Variants in SHH observed in about 807,000 individuals in gnomAD.
The protein encoded by SHH is sonic hedgehog signaling molecule, also known as sonic hedgehog protein.
Under a neutral mutation model 16.6 loss-of-function variants are expected in SHH, and 3 were observed. The ratio of observed to expected loss-of-function variants is 0.18; its 90% CI spans 0.08 to 0.47. The LOEUF (loss-of-function observed/expected upper bound fraction) is 0.47. SHH is among the 20% of genes least tolerant of loss of function. The pLI, the probability that SHH is intolerant of heterozygous loss-of-function variation, is 0.98. For synonymous variants in SHH, 351 were observed against 316.2 expected (o/e 1.11, Z -1.17); for missense variants, 499 against 665.0 (o/e 0.75, Z 2.75).
chr7:155,802,812 T>G lies in SHH; in HGVS notation c.*88A>C. The G allele has an allele frequency of 2.5e-6, 2 of 792,698 alleles. No homozygotes were observed. The highest frequency in any genetic ancestry group is 3.6e-5 in the Admixed American group (1 of 28,156). The allele number at this position is 792,698 out of a possible 1,614,324, so 49.1% of individuals were successfully genotyped here. ...TCTTATTATAACTCAGTCTGGTTCG[T>G]GCGCCTTTTCCGAGTGTCTTTTTGC... On this transcript the variant is annotated 3_prime_UTR_variant, in exon 3 of 3. Coordinates refer to ENST00000297261, the MANE Select transcript of SHH (RefSeq NM_000193.4).
At chr7:155,806,939 C>G in intron 1 of SHH, 7 of 248,220 alleles carry the variant, frequency 2.8e-5, no homozygotes, top group South Asian at 1.2e-4. Context: ...CCCGCCCCGC[C>G]CCCACGTTGC....
In SHH at chr7:155,800,871, A is replaced by C. The variant is rs1441061727; in HGVS notation, c.*2029T>G. On this transcript the variant is annotated 3_prime_UTR_variant, in exon 3 of 3. Transcript: ENST00000297261. ...TGCCAGGTGGGGCTGAAGTCTGTTC[A>C]CTCCTGTTCCCTAAGCCTGGACCAC... 1 of 324,170 alleles carries C rather than the reference A, an allele frequency of 3.1e-6. No individual in the cohort carries two copies. Among genetic ancestry groups the C allele is most frequent in the Non-Finnish European group, 6.1e-6 (1 of 162,602 alleles). The allele number at this position is 324,170 out of a possible 1,614,324, so 20.1% of individuals were successfully genotyped here.
At chr7:155,806,779 C>A in intron 1 of SHH, 1 of 669,510 alleles carries the variant, frequency 1.5e-6, no homozygotes, top group South Asian at 1.7e-5. Flanking sequence ...AGCACGTCCT[C>A]TCAGGGTAGA....
chr7:155,809,909 A>AT lies in SHH; in HGVS notation c.300+1913dup, dbSNP rs1803465497. On this transcript the variant is annotated intron_variant, in intron 1 of 2. Coordinates refer to ENST00000297261, the MANE Select transcript of SHH (RefSeq NM_000193.4). This position sits in a 1 kb window ranked among gnomAD's most constrained non-coding sequence, Gnocchi z 6.1. ...AGGCCAGGCAGGCGGCGGACTGGGG[A>AT]TGGGGGCGCGTCCCAGGGCAGGCCG... 6.6e-6 allele frequency among the ~76,000 whole-genome samples: 1 copy of AT among 151,256 alleles called. No homozygotes were observed. Among genetic ancestry groups the AT allele is most frequent in the African/African-American group, 2.4e-5 (1 of 41,292 alleles).
chr7:155,812,123 C>A lies in SHH; in HGVS notation c.-1G>T. 1 of 1,614,096 alleles carries A rather than the reference C, an allele frequency of 6.2e-7. No homozygotes were observed. On this transcript the variant is annotated 5_prime_UTR_variant, in exon 1 of 3. Coordinates refer to ENST00000297261, the MANE Select transcript of SHH (RefSeq NM_000193.4). ...GCAGACATCTCGCCAGCAGCAGCAT[C>A]TCGCCCATGGAACTGATGACTTCCG...
rs1803542733 is a variant in SHH at position 155,812,395 on chromosome 7, G to T, written c.-273C>A. 1 of 561,778 alleles carries T rather than the reference G, an allele frequency of 1.8e-6. No homozygotes were observed. The highest frequency in any genetic ancestry group is 3.2e-6 in the Non-Finnish European group (1 of 311,844). The allele number at this position is 561,778 out of a possible 1,614,324, so 34.8% of individuals were successfully genotyped here. ...CTGATAACGGAACACATCGGAGTTG[G>T]GTCGCGAGACAGCAATCAAAAGACA... On this transcript the variant is annotated 5_prime_UTR_variant, in exon 1 of 3. Transcript: ENST00000297261.
At position 155,809,712 on chromosome 7, in the gene SHH, C is replaced by G. The variant is rs1803459791; in HGVS notation, c.300+2111G>C. 6.6e-6 allele frequency among the ~76,000 whole-genome samples: 1 copy of G among 152,178 alleles called. No homozygotes were observed. Among genetic ancestry groups the G allele is most frequent in the South Asian group, 2.1e-4 (1 of 4,834 alleles). On this transcript the variant is annotated intron_variant, in intron 1 of 2. Transcript: ENST00000297261. This position sits in a 1 kb window ranked among gnomAD's most constrained non-coding sequence, Gnocchi z 6.1. ...AGGAAAAAAGTATTTGTTTTCGTTTCGTTCGTCTGAGGGAAGTTGACAGAA... is the reference window on the plus strand; with the variant it reads ...AGGAAAAAAGTATTTGTTTTCGTTTGGTTCGTCTGAGGGAAGTTGACAGAA...
At chr7:155,806,220 C>T in intron 2 of SHH, 76 bp downstream of exon 2, 1 of 1,592,642 alleles carries the variant, frequency 6.3e-7, no homozygotes, top group Non-Finnish European at 8.6e-7. Context: ...CCCCAGGTTT[C>T]TTTTTCTCTT....
chr7:155,808,765 C>A (rs985942967), intron 1 of SHH, among the ~76,000 whole-genome samples: 2 of 152,210 alleles, frequency 1.3e-5, no homozygotes, highest in Non-Finnish European at 2.9e-5. Context: ...GCCGCCGGGG[C>A]CGGGCTTTGT....
rs1803408945 is a variant in SHH, at chr7:155,807,963, G to C, written c.301-1406C>G. 6.6e-6 allele frequency among the ~76,000 whole-genome samples: 1 copy of C among 152,158 alleles called. No homozygotes were observed. Among genetic ancestry groups the C allele is most frequent in the South Asian group, 2.1e-4 (1 of 4,826 alleles). ...GGGGGGACTCTTTCGAGAGGGTGGG[G>C]CGAGGACGCTGGCCCCACTGCTGCG... On this transcript the variant is annotated intron_variant, in intron 1 of 2. Coordinates refer to ENST00000297261, the MANE Select transcript of SHH (RefSeq NM_000193.4). This position sits in a 1 kb window ranked among gnomAD's most constrained non-coding sequence, Gnocchi z 7.1.
Position 155,802,216 on chromosome 7 carries a change from A to G in SHH, c.*684T>C, listed in dbSNP as rs764331767. 2.0e-5 allele frequency: 3 copies of G among 152,192 alleles called. No individual in the cohort carries two copies. Among genetic ancestry groups the G allele is most frequent in the Non-Finnish European group, 2.9e-5 (2 of 68,040 alleles). The allele number at this position is 152,192 out of a possible 1,614,324, so 9.4% of individuals were successfully genotyped here. On this transcript the variant is annotated 3_prime_UTR_variant, in exon 3 of 3. Transcript: ENST00000297261. ...GAATATGAAACCATAAAGACAACAG[A>G]GGAGATGGCTGTTACATCGGAAACT...
chr7:155,812,123 C>G lies in SHH; in HGVS notation c.-1G>C, dbSNP rs759907145. ...GCAGACATCTCGCCAGCAGCAGCAT[C>G]TCGCCCATGGAACTGATGACTTCCG... On this transcript the variant is annotated 5_prime_UTR_variant, in exon 1 of 3. Coordinates refer to ENST00000297261, the MANE Select transcript of SHH (RefSeq NM_000193.4). 1 of 1,613,978 alleles carries G rather than the reference C, an allele frequency of 6.2e-7. No homozygotes were observed. Among genetic ancestry groups the G allele is most frequent in the Non-Finnish European group, 8.5e-7 (1 of 1,180,008 alleles).
Position 155,806,549 on chromosome 7 carries a change from C to T in SHH, c.309G>A (p.Lys103=). The T allele has an allele frequency of 6.2e-7, 1 of 1,610,940 alleles. No individual in the cohort carries two copies. The change falls in exon 2 of 3, where the codon AAG becomes AAA. Residue 103 remains lysine (K), a synonymous_variant. Coordinates refer to ENST00000297261, the MANE Select transcript of SHH (RefSeq NM_000193.4). ...GADRLMTQRC[K]DKLNALAISV... is the part of the protein sequence containing the mutation. Reference sequence around the variant, plus strand: ...AGATGGCCAAAGCGTTCAACTTGTCCTTACACCTCTGCGAAGACAAGGGGA... The same window carrying T: ...AGATGGCCAAAGCGTTCAACTTGTCTTTACACCTCTGCGAAGACAAGGGGA...
chr7:155,805,260 C>CTCCT (rs1211960311), intron 2 of SHH, among the ~76,000 whole-genome samples: 1 of 151,978 alleles, frequency 6.6e-6, no homozygotes, highest in Non-Finnish European at 1.5e-5. Context: ...GGGGCGCCGC[C>CTCCT]TCCTGCCTGC....
In SHH at chr7:155,809,871, C is replaced by T. The variant is rs956059593; in HGVS notation, c.300+1952G>A. 2.0e-5 allele frequency among the ~76,000 whole-genome samples: 3 copies of T among 151,502 alleles called. No homozygotes were observed. The highest frequency in any genetic ancestry group is 4.8e-5 in the African/African-American group (2 of 41,374). ...CCCGGGCTGGGGGCTCCGGCTGGGACGCGGAGGCCTAGAGGCCAGGCAGGC... is the reference window on the plus strand; with the variant it reads ...CCCGGGCTGGGGGCTCCGGCTGGGATGCGGAGGCCTAGAGGCCAGGCAGGC... On this transcript the variant is annotated intron_variant, in intron 1 of 2. Transcript: ENST00000297261. This position sits in a 1 kb window ranked among gnomAD's most constrained non-coding sequence, Gnocchi z 6.1.
At chr7:155,806,199 C>T in intron 2 of SHH, 97 bp downstream of exon 2, 2 of 1,497,642 alleles carry the variant, frequency 1.3e-6, no homozygotes, top group South Asian at 2.3e-5. Context: ...TGCTCCTGGC[C>T]CTCAGCCTCC....
chr7:155,803,447 G>C lies in SHH; in HGVS notation c.842C>G (p.Ala281Gly), dbSNP rs760427181. 6.5e-7 allele frequency: 1 copy of C among 1,542,652 alleles called. No individual in the cohort carries two copies. Among genetic ancestry groups the C allele is most frequent in the South Asian group, 1.2e-5 (1 of 84,608 alleles). The change falls in exon 3 of 3, where the codon GCC becomes GGC. Residue 281 changes from alanine to glycine, a missense_variant. Transcript: ENST00000297261. ...CGAGGACGCCTCGGGCTCCCCGGTGGCCGAGTCGTTGTGCGGCGCCACAAA... is the reference window on the plus strand; with the variant it reads ...CGAGGACGCCTCGGGCTCCCCGGTGCCCGAGTCGTTGTGCGGCGCCACAAA... ...LLFVAPHNDSATGEPEASSGS... is the reference protein window; with the variant it reads ...LLFVAPHNDSGTGEPEASSGS...
chr7:155,809,971 G>T lies in SHH; in HGVS notation c.300+1852C>A, dbSNP rs1181660270. ...GATGCGCCCCGGCCCCTGCGCGGGC[G>T]CCCCCATCTCCGCGCCCCCGCCGCC... is the stretch of plus-strand genomic sequence containing the variant. On this transcript the variant is annotated intron_variant, in intron 1 of 2. Transcript: ENST00000297261. This position sits in a 1 kb window ranked among gnomAD's most constrained non-coding sequence, Gnocchi z 6.1. Among the ~76,000 whole-genome samples, 1 of 151,764 alleles carries T rather than the reference G, an allele frequency of 6.6e-6. No homozygotes were observed. Among genetic ancestry groups the T allele is most frequent in the East Asian group, 1.9e-4 (1 of 5,138 alleles).
intron 1 of SHH, among the ~76,000 whole-genome samples, chr7:155,810,683 G>T (rs1473715410): frequency 6.6e-6 from 1 of 152,214 alleles, no homozygotes; most frequent in South Asian, 2.1e-4. Flanking sequence ...CCTGGGAATC[G>T]GGTCGGGAAG....
Sources: allele counts gnomAD v4.1 joint callset (sites outside exome capture counted in the v4.1 genomes callset), GRCh38; gene constraint gnomAD v4.1.1; non-coding constraint Gnocchi (gnomAD v3.1); transcripts MANE v1.5; gene names NCBI Gene and HGNC (gene_info 2026-07-23, HGNC 2026-07-21).